PCDHA12: variants seen among roughly 807,000 people sequenced by gnomAD.
The protein encoded by PCDHA12 is protocadherin alpha-12.
Under a neutral mutation model 60.0 loss-of-function variants are expected in PCDHA12, and 44 were observed. The ratio of observed to expected loss-of-function variants is 0.73; its 90% CI spans 0.58 to 0.94. The LOEUF (loss-of-function observed/expected upper bound fraction) is 0.94. Among genes scored for constraint, PCDHA12 ranks in the 40% least tolerant of loss-of-function variants. The probability of loss-of-function intolerance (pLI) is 0.00; values close to 1 mark genes in which losing one functional copy is unlikely to be tolerated. For synonymous variants in PCDHA12, 569 were observed against 553.0 expected (o/e 1.03, Z -0.40); for missense variants, 1,276 against 1,239.7 (o/e 1.03, Z -0.44).
At chr5:140,877,921 T>C (rs2153357057) in intron 1 of PCDHA12, 82 bp downstream of exon 1, 1 of 1,422,868 alleles carries the variant, frequency 7.0e-7, no homozygotes, top group South Asian at 1.6e-5. Context: ...CTCATTTTTC[T>C]TTATGATTCT....
chr5:140,921,251 AG>A (rs2080121821), intron 1 of PCDHA12, among the ~76,000 whole-genome samples: 1 of 152,192 alleles, frequency 6.6e-6, no homozygotes. Context: ...CAGATCAAAA[AG>A]TCCTAGACTT....
At chr5:140,960,063 T>G (rs1461377026) in intron 1 of PCDHA12, among the ~76,000 whole-genome samples, 1 of 152,232 alleles carries the variant, frequency 6.6e-6, no homozygotes, top group Non-Finnish European at 1.5e-5. Flanking sequence ...GTACAGAAGA[T>G]TCAATTGAAG....
chr5:140,941,211 CTTCCTTTCTTTCTTTCTTT>C (rs1563185577), intron 1 of PCDHA12, among the ~76,000 whole-genome samples: 1,494 of 129,708 alleles, frequency 0.012, 26 homozygotes, highest in African/African-American at 0.041. Flanking sequence ...TCCTTTCTTT[CTTCCTTTCTTTCTTTCTTT>C]CTTTCTTTCT....
chr5:140,901,263 G>A (rs967047702), intron 1 of PCDHA12, among the ~76,000 whole-genome samples: 1 of 151,938 alleles, frequency 6.6e-6, no homozygotes, highest in Admixed American at 6.6e-5. Flanking sequence ...GTGATTGTGG[G>A]GTATTACTCA....
chr5:140,906,999 G>T lies in PCDHA12; in HGVS notation c.2367+29160G>T, dbSNP rs187849442. Among the ~76,000 whole-genome samples the T allele has an allele frequency of 8.0e-3, 1,219 of 152,202 alleles. 6 individuals are homozygous for T. The highest frequency in any genetic ancestry group is 0.019 in the African/African-American group (787 of 41,528). On this transcript the variant is annotated intron_variant, in intron 1 of 3. Coordinates refer to ENST00000398631, the MANE Select transcript of PCDHA12 (RefSeq NM_018903.4). Reference sequence around the variant, plus strand: ...TTCTGGTGGCAGCATTCCTCCCTCTGGAACTAAGACCTCTAGGCCAGCAGA... The same window carrying T: ...TTCTGGTGGCAGCATTCCTCCCTCTTGAACTAAGACCTCTAGGCCAGCAGA...
At chr5:141,003,046 A>C (rs530303478) in intron 3 of PCDHA12, among the ~76,000 whole-genome samples, 76 of 152,356 alleles carry the variant, frequency 5.0e-4, no homozygotes, top group African/African-American at 1.8e-3. Context: ...TCCTGGCCTT[A>C]ACAGAACAGT....
At chr5:140,899,255 C>A (rs532751288) in intron 1 of PCDHA12, among the ~76,000 whole-genome samples, 1 of 152,258 alleles carries the variant, frequency 6.6e-6, no homozygotes, top group East Asian at 1.9e-4. Flanking sequence ...GAGAGGGCAT[C>A]CCTGTCTTGT....
chr5:140,925,203 A>G (rs1201965893), intron 1 of PCDHA12, among the ~76,000 whole-genome samples: 4 of 152,310 alleles, frequency 2.6e-5, no homozygotes, highest in South Asian at 4.1e-4. Flanking sequence ...TTCAATAATT[A>G]TCGATACTTT....
chr5:140,882,587 G>C (rs559310344), intron 1 of PCDHA12: 9 of 1,614,256 alleles, frequency 5.6e-6, no homozygotes, highest in Non-Finnish European at 6.8e-6. Flanking sequence ...CATCCACCTG[G>C]AGGTGATCGT....
intron 1 of PCDHA12, among the ~76,000 whole-genome samples, chr5:140,931,683 A>C (rs1482331530): frequency 6.6e-6 from 1 of 151,950 alleles, no homozygotes; most frequent in Non-Finnish European, 1.5e-5. Flanking sequence ...AAATAAATGA[A>C]TTGTGATTCA....
chr5:140,950,237 A>C (rs1192417956), intron 1 of PCDHA12, among the ~76,000 whole-genome samples: 1 of 151,954 alleles, frequency 6.6e-6, no homozygotes, highest in African/African-American at 2.4e-5. Context: ...AGTGCCATTA[A>C]TTTGTTCCTA....
intron 1 of PCDHA12, among the ~76,000 whole-genome samples, chr5:140,961,843 G>T (rs1244708157): frequency 1.3e-5 from 2 of 151,972 alleles, no homozygotes; most frequent in Non-Finnish European, 2.9e-5. Flanking sequence ...CAGTGCCTTG[G>T]AAGATCATTT....
chr5:140,922,101 G>A (rs531054386), intron 1 of PCDHA12, among the ~76,000 whole-genome samples: 1 of 152,086 alleles, frequency 6.6e-6, no homozygotes, highest in Admixed American at 6.5e-5. Context: ...ACCAACTATA[G>A]ATAAATGAAA....
intron 1 of PCDHA12, among the ~76,000 whole-genome samples, chr5:140,941,202 C>CCTTTCTTCCTTCCTTTCTTTCTTTCTTT (rs1394736170): frequency 4.9e-5 from 6 of 122,740 alleles, no homozygotes; most frequent in Admixed American, 1.7e-4. Context: ...TTTCTTTCTT[C>CCTTTCTTCCTTCCTTTCTTTCTTTCTTT]CTTTCTTTCT....
At chr5:140,960,508 A>C (rs1026528724) in intron 1 of PCDHA12, among the ~76,000 whole-genome samples, 10 of 152,190 alleles carry the variant, frequency 6.6e-5, no homozygotes, top group Non-Finnish European at 1.3e-4. Context: ...TCCAAGCAGC[A>C]AACATAATGG....
chr5:140,997,156 C>G (rs1266627646), intron 3 of PCDHA12, among the ~76,000 whole-genome samples: 1 of 152,106 alleles, frequency 6.6e-6, no homozygotes, highest in Non-Finnish European at 1.5e-5. Flanking sequence ...CAGTGACATC[C>G]TGCCCAGAGT....
At chr5:140,895,292 C>A (rs1032250917) in intron 1 of PCDHA12, among the ~76,000 whole-genome samples, 2 of 152,044 alleles carry the variant, frequency 1.3e-5, no homozygotes. Context: ...TTAGGACCTT[C>A]GATTTCCCCC....
intron 1 of PCDHA12, among the ~76,000 whole-genome samples, chr5:140,936,021 T>TA (rs2090725097): frequency 1.3e-5 from 2 of 151,374 alleles, no homozygotes; most frequent in African/African-American, 4.9e-5. Flanking sequence ...GCCTCCCGAG[T>TA]AGCGGGGATT....
chr5:141,006,937 A>G (rs1341234151), intron 3 of PCDHA12, among the ~76,000 whole-genome samples: 1 of 152,206 alleles, frequency 6.6e-6, no homozygotes, highest in Non-Finnish European at 1.5e-5. Context: ...AACTGGGGAT[A>G]CCAGATAGGC....
Sources: gnomAD v4.1 joint callset for allele counts (sites outside exome capture counted in the v4.1 genomes callset) on GRCh38, gnomAD v4.1.1 for gene constraint, MANE v1.5 for transcripts, NCBI Gene and HGNC (gene_info 2026-07-23, HGNC 2026-07-21) for gene names.